CLOCK: variants seen among roughly 807,000 people sequenced by gnomAD.
The protein encoded by CLOCK is clock circadian regulator.
A neutral mutation model predicts 118.4 loss-of-function variants in CLOCK; 43 were observed. The observed-to-expected ratio is 0.36, with a 90% CI of 0.28 to 0.47. CLOCK has a LOEUF of 0.47. CLOCK is among the 20% of genes least tolerant of loss of function. CLOCK has a pLI of 1.00. For missense variants in CLOCK, 846 were observed against 999.9 expected (o/e 0.85, Z 2.08); for synonymous variants, 326 against 339.2 (o/e 0.96, Z 0.43).
intron 3 of CLOCK, among the ~76,000 whole-genome samples, chr4:55,487,543 C>T (rs749591690): frequency 2.6e-5 from 4 of 152,108 alleles, no homozygotes; most frequent in Admixed American, 6.6e-5. Flanking sequence ...TAACATGTCA[C>T]CCCCATTCTC....
chr4:55,479,776 T>A, intron 4 of CLOCK, 77 bp from the exon 5 acceptor site: 1 of 1,101,652 alleles, frequency 9.1e-7, no homozygotes, highest in East Asian at 2.4e-5. Flanking sequence ...GTAAATCAAC[T>A]CAGTTATGCC....
chr4:55,475,541 AG>A (rs1324846387), intron 7 of CLOCK, among the ~76,000 whole-genome samples: 1 of 152,182 alleles, frequency 6.6e-6, no homozygotes, highest in Non-Finnish European at 1.5e-5. Flanking sequence ...AAATCTTGAA[AG>A]GAAGAGTGAA....
chr4:55,453,106 C>A lies in CLOCK; in HGVS notation c.1154G>T (p.Arg385Ile). The change falls in exon 15 of 23, where the codon AGA becomes ATA. Residue 385 changes from arginine to isoleucine, a missense_variant. By Grantham distance (97) the Arg-to-Ile change is moderately conservative (BLOSUM62 -3). Transcript: ENST00000513440. Reference sequence around the variant, plus strand: ...CTCTTCAATGCCAAGTTCTCGTCGTCTTTCAGCCCTAACTTCTGCATAACT... The same window carrying A: ...CTCTTCAATGCCAAGTTCTCGTCGTATTTCAGCCCTAACTTCTGCATAACT... ...VVSYAEVRAE[R>I]RRELGIEESL... 1.2e-6 allele frequency: 2 copies of A among 1,613,066 alleles called. No homozygotes were observed. Among genetic ancestry groups the A allele is most frequent in the East Asian group, 2.2e-5 (1 of 44,780 alleles).
At chr4:55,449,569 A>G in intron 16 of CLOCK, 73 bp from the exon 17 acceptor site, 1 of 1,262,776 alleles carries the variant, frequency 7.9e-7, no homozygotes, top group Non-Finnish European at 1.1e-6. Context: ...CTCAAAATGT[A>G]TTTCAGTTAA....
chr4:55,478,022 C>A (rs1278472186), intron 6 of CLOCK, among the ~76,000 whole-genome samples: 1 of 152,020 alleles, frequency 6.6e-6, no homozygotes, highest in African/African-American at 2.4e-5. Context: ...GAGCATAAAC[C>A]AGTCCTGTAA....
At chr4:55,445,832 G>C (rs941378745) in intron 18 of CLOCK, among the ~76,000 whole-genome samples, 3 of 151,888 alleles carry the variant, frequency 2.0e-5, no homozygotes. Context: ...ATTGGCTCAA[G>C]AAGTCCTCCT....
chr4:55,520,707 G>A (rs568590893), intron 1 of CLOCK, among the ~76,000 whole-genome samples: 9 of 152,186 alleles, frequency 5.9e-5, no homozygotes, highest in African/African-American at 1.7e-4. Flanking sequence ...AAATTTTAGA[G>A]GTATTTTAAA....
Position 55,447,242 on chromosome 4 carries a change from C to G in CLOCK, c.1539+1537G>C, listed in dbSNP as rs1723935396. 2.0e-5 allele frequency among the ~76,000 whole-genome samples: 3 copies of G among 152,006 alleles called. No homozygotes were observed. The South Asian group carries it at 6.2e-4, about 31-fold the overall frequency. On this transcript the variant is annotated intron_variant, in intron 18 of 22. Coordinates refer to ENST00000513440, the MANE Select transcript of CLOCK (RefSeq NM_004898.4). Reference sequence around the variant, plus strand: ...ACTAGCCGGGTGTGGTGGCATGTGCCTGTAGTCCCAGCTACTCGGGAGACT... The same window carrying G: ...ACTAGCCGGGTGTGGTGGCATGTGCGTGTAGTCCCAGCTACTCGGGAGACT...
intron 21 of CLOCK, among the ~76,000 whole-genome samples, chr4:55,439,352 AAAC>A (rs1385208656): frequency 6.6e-6 from 1 of 152,202 alleles, no homozygotes; most frequent in East Asian, 1.9e-4. Flanking sequence ...TATAAAAAAC[AAAC>A]AACAATAGAA....
At chr4:55,513,624 C>A (rs553345631) in intron 1 of CLOCK, among the ~76,000 whole-genome samples, 1 of 152,114 alleles carries the variant, frequency 6.6e-6, no homozygotes, top group South Asian at 2.1e-4. Flanking sequence ...TTTTAAGTTG[C>A]CTATTCTGGG....
At chr4:55,533,604 C>T (rs1335930491) in intron 1 of CLOCK, among the ~76,000 whole-genome samples, 1 of 151,962 alleles carries the variant, frequency 6.6e-6, no homozygotes, top group African/African-American at 2.4e-5. Flanking sequence ...TTTGTAAATC[C>T]GTGAAAAAGT....
chr4:55,438,444 C>T lies in CLOCK; in HGVS notation c.2199G>A (p.Gln733=), dbSNP rs1723070864. The change falls in exon 22 of 23, where the codon CAG becomes CAA. Residue 733 remains glutamine, a synonymous_variant. Transcript: ENST00000513440. ...VMVPSTMLMG[Q]VVTAYPTFAT... ...CAAAAGTAGGATATGCAGTCACCAC[C>T]TGGCCCATAAGCATAGTACTAGGTA... 2 of 1,613,900 alleles carry T rather than the reference C, an allele frequency of 1.2e-6. No individual in the cohort carries two copies. The highest frequency in any genetic ancestry group is 4.5e-5 in the East Asian group (2 of 44,860).
chr4:55,532,447 T>C (rs767360968), intron 1 of CLOCK, among the ~76,000 whole-genome samples: 4 of 152,052 alleles, frequency 2.6e-5, no homozygotes, highest in Non-Finnish European at 4.4e-5. Flanking sequence ...TTAGTACTAA[T>C]ACATGATTTC....
rs1722652151 is a variant in CLOCK at position 55,433,404 on chromosome 4, G to C, written c.*2011C>G. 6.6e-6 allele frequency: 1 copy of C among 152,564 alleles called. No homozygotes were observed. Among genetic ancestry groups the C allele is most frequent in the Admixed American group, 6.5e-5 (1 of 15,274 alleles). 9.5% of individuals were successfully genotyped at this position (152,564 alleles called of 1,614,324 possible). A position where few individuals can be genotyped will look rare whatever the true frequency, so the allele number is the denominator to read the frequency against. ...TTAATGTTCAAAGTAATTGTAGCCA[G>C]GTAGAATTTTCTGCAGAAAGACAAA... On this transcript the variant is annotated 3_prime_UTR_variant, in exon 23 of 23. Coordinates refer to ENST00000513440, the MANE Select transcript of CLOCK (RefSeq NM_004898.4).
At chr4:55,470,828 T>A in intron 7 of CLOCK, 22 bp from the exon 8 acceptor site, 1 of 1,525,420 alleles carries the variant, frequency 6.6e-7, no homozygotes, top group Non-Finnish European at 9.0e-7. Context: ...CATAATGATA[T>A]GTTAAATGAA....
intron 2 of CLOCK, among the ~76,000 whole-genome samples, chr4:55,496,389 A>G (rs374579349): frequency 2.3e-4 from 35 of 152,272 alleles, no homozygotes; most frequent in African/African-American, 8.2e-4. Flanking sequence ...AAACATAGTG[A>G]CAGTCAATGA....
chr4:55,459,217 T>C lies in CLOCK; in HGVS notation c.604A>G (p.Ile202Val), dbSNP rs200006815. ...TAGGTAGATGGCTCCTTTGGGTCTA[T>C]TGTTCCTCGCAGCATGTGACAACAG... ...EFCCHMLRGT[I>V]DPKEPSTYEY... The change falls in exon 10 of 23, where the codon ATA (isoleucine) becomes GTA (valine). Residue 202 changes from isoleucine (I) to valine (V), a missense_variant. Physicochemically the swap from Ile to Val is conservative, Grantham distance 29. Coordinates refer to ENST00000513440, the MANE Select transcript of CLOCK (RefSeq NM_004898.4). 3.0e-5 allele frequency: 48 copies of C among 1,612,754 alleles called. No homozygotes were observed. The highest frequency in any genetic ancestry group is 2.5e-4 in the Admixed American group (15 of 59,978).
In CLOCK at chr4:55,438,180, T is replaced by C. The variant is rs1723041348; in HGVS notation, c.2361+102A>G. ...GAGATTTAAACTGTACAATAAGCTT[T>C]TGTGAATTTTTCACATCACTCACAA... On this transcript the variant is annotated intron_variant, in intron 22 of 22. Coordinates refer to ENST00000513440, the MANE Select transcript of CLOCK (RefSeq NM_004898.4). The C allele has an allele frequency of 5.0e-6, 7 of 1,400,562 alleles. No homozygotes were observed. In the South Asian group the frequency reaches 8.5e-5, roughly 17 times the overall value. The allele number at this position is 1,400,562 out of a possible 1,614,324, so 86.8% of individuals were successfully genotyped here.
intron 11 of CLOCK, among the ~76,000 whole-genome samples, chr4:55,457,707 T>C (rs1725015647): frequency 1.3e-5 from 2 of 152,190 alleles, no homozygotes; most frequent in Admixed American, 6.5e-5. Flanking sequence ...AAACAATGTA[T>C]TCCATCCTGC....
Sources: gnomAD v4.1 joint callset for allele counts (sites outside exome capture counted in the v4.1 genomes callset) on GRCh38, gnomAD v4.1.1 for gene constraint, MANE v1.5 for transcripts, NCBI Gene and HGNC (gene_info 2026-07-23, HGNC 2026-07-21) for gene names.